Variants in NR1H4 observed in about 807,000 individuals in gnomAD.
NR1H4 encodes the protein nuclear receptor subfamily 1 group H member 4, also known as bile acid receptor.
Under a neutral mutation model 58.5 loss-of-function variants are expected in NR1H4, and 23 were observed. The ratio of observed to expected loss-of-function variants is 0.39; its 90% CI spans 0.28 to 0.56. The LOEUF (loss-of-function observed/expected upper bound fraction) is 0.56, where lower values mean the gene tolerates loss of function less well. Ranked by LOEUF, NR1H4 falls within the 20% of genes least tolerant of loss-of-function variation. The probability of loss-of-function intolerance (pLI) is 0.58; values close to 1 mark genes in which losing one functional copy is unlikely to be tolerated. For missense variants in NR1H4, 487 were observed against 576.9 expected, an observed-to-expected ratio of 0.84 and a Z score of 1.60; for synonymous variants, 214 against 198.0, an observed-to-expected ratio of 1.08 and a Z score of -0.68.
chr12:100,536,698 A>G (rs1954822589), intron 7 of NR1H4, 88 bp downstream of exon 7: 1 of 788,556 alleles, frequency 1.3e-6, no homozygotes, highest in Middle Eastern at 2.7e-4. Flanking sequence ...ATATGTGAAT[A>G]TGTTACTTTG....
intron 4 of NR1H4, among the ~76,000 whole-genome samples, chr12:100,519,987 C>G (rs989202827): frequency 1.3e-5 from 2 of 152,110 alleles, no homozygotes; most frequent in African/African-American, 4.8e-5. Flanking sequence ...GAAAATTATC[C>G]TACCTTAGTG....
At chr12:100,556,500 T>A (rs1454964708) in intron 9 of NR1H4, among the ~76,000 whole-genome samples, 4 of 150,652 alleles carry the variant, frequency 2.7e-5, no homozygotes, top group Non-Finnish European at 4.4e-5. Flanking sequence ...AAAAAACAAC[T>A]CTCTTTTAAA....
chr12:100,527,494 T>C lies in NR1H4; in HGVS notation c.446-4964T>C, dbSNP rs191110103. Among the ~76,000 whole-genome samples the C allele has an allele frequency of 1.4e-3, 207 of 152,316 alleles. 1 individual carries two copies. The highest frequency in any genetic ancestry group is 6.8e-3 in the Middle Eastern group (2 of 294). ...GTTGCAGTGAGCTATGATTGCACCATGCAATCCACCCTGGGCGACAGAGCA... is the reference window on the plus strand; with the variant it reads ...GTTGCAGTGAGCTATGATTGCACCACGCAATCCACCCTGGGCGACAGAGCA... On this transcript the variant is annotated intron_variant, in intron 4 of 10. Transcript: ENST00000392986.
intron 4 of NR1H4, among the ~76,000 whole-genome samples, chr12:100,520,254 C>T (rs1214769252): frequency 6.6e-6 from 1 of 152,110 alleles, no homozygotes. Context: ...GACAAGCTCA[C>T]ATTGAATCTA....
At chr12:100,558,705 G>A (rs138904146) in intron 9 of NR1H4, among the ~76,000 whole-genome samples, 317 of 152,340 alleles carry the variant, frequency 2.1e-3, no homozygotes, top group African/African-American at 7.3e-3. Context: ...AAAGAGAAAA[G>A]GGATATTTCA....
At chr12:100,552,509 A>G (rs1475014283) in intron 9 of NR1H4, among the ~76,000 whole-genome samples, 1 of 152,166 alleles carries the variant, frequency 6.6e-6, no homozygotes, top group Non-Finnish European at 1.5e-5. Flanking sequence ...ACATCTCACA[A>G]CTATGTCACC....
At chr12:100,513,535 T>C (rs547564587) in intron 4 of NR1H4, among the ~76,000 whole-genome samples, 9 of 152,258 alleles carry the variant, frequency 5.9e-5, no homozygotes, top group Admixed American at 1.3e-4. Context: ...GGTTCACTTA[T>C]GTAAGTCCCA....
chr12:100,560,287 T>C (rs1164988152), intron 9 of NR1H4, among the ~76,000 whole-genome samples: 1 of 152,200 alleles, frequency 6.6e-6, no homozygotes. Context: ...CGAGCCCGCA[T>C]TGGCAACCCA....
chr12:100,526,438 C>G (rs1418451954), intron 4 of NR1H4, among the ~76,000 whole-genome samples: 1 of 151,976 alleles, frequency 6.6e-6, no homozygotes, highest in Non-Finnish European at 1.5e-5. Context: ...TATGTGTAAC[C>G]TTTTAGAAAC....
intron 4 of NR1H4, among the ~76,000 whole-genome samples, chr12:100,520,343 A>G (rs1954383386): frequency 6.6e-6 from 1 of 152,114 alleles, no homozygotes; most frequent in Admixed American, 6.5e-5. Flanking sequence ...ACAGAAACCA[A>G]CAATTCAAGC....
chr12:100,491,074 C>A lies in NR1H4; in HGVS notation c.-189-1429C>A, dbSNP rs74557937. Among the ~76,000 whole-genome samples the A allele has an allele frequency of 6.9e-3, 1,054 of 152,280 alleles. 15 individuals are homozygous for A. Among genetic ancestry groups the A allele is most frequent in the African/African-American group, 0.024 (1,013 of 41,554 alleles). ...CCTTCCAAAGTGATGGGATTACAGG[C>A]AGTAGCCACTGTGCCTAGCCAGAAA... On this transcript the variant is annotated intron_variant, in intron 1 of 10. Transcript: ENST00000392986.
At chr12:100,502,640 A>T (rs978523054) in intron 3 of NR1H4, among the ~76,000 whole-genome samples, 2 of 152,216 alleles carry the variant, frequency 1.3e-5, no homozygotes, top group Admixed American at 1.3e-4. Context: ...ATACATCCTC[A>T]TCTTACAATG....
intron 4 of NR1H4, 109 bp from the exon 5 acceptor site, chr12:100,532,349 C>A: frequency 2.9e-6 from 3 of 1,017,004 alleles, no homozygotes; most frequent in Non-Finnish European, 4.6e-6. Context: ...GGCCTGGGTG[C>A]TCTCCAGCAG....
chr12:100,540,632 G>T, intron 8 of NR1H4, 40 bp from the exon 9 acceptor site: 1 of 1,599,876 alleles, frequency 6.3e-7, no homozygotes. Flanking sequence ...ATGAAATATT[G>T]TTACTCCTTG....
chr12:100,525,834 C>T (rs1954541261), intron 4 of NR1H4, among the ~76,000 whole-genome samples: 1 of 152,118 alleles, frequency 6.6e-6, no homozygotes, highest in South Asian at 2.1e-4. Context: ...ATTTTGATGA[C>T]CAATTTCTCC....
intron 6 of NR1H4, among the ~76,000 whole-genome samples, chr12:100,536,257 T>C (rs1954809493): frequency 6.6e-6 from 1 of 152,176 alleles, no homozygotes; most frequent in Non-Finnish European, 1.5e-5. Flanking sequence ...TACCATTTAT[T>C]CCTAAGAAAT....
intron 3 of NR1H4, chr12:100,505,687 G>A: frequency 4.6e-6 from 3 of 655,996 alleles, no homozygotes; most frequent in South Asian, 3.4e-5. Flanking sequence ...TCTTTGATAG[G>A]CTAATTCCAA....
intron 5 of NR1H4, 102 bp from the exon 6 acceptor site, chr12:100,534,788 C>A: frequency 1.5e-6 from 2 of 1,338,286 alleles, no homozygotes; most frequent in Non-Finnish European, 2.1e-6. Context: ...TGTGCCATTG[C>A]ATAGGGGATC....
chr12:100,521,165 G>A (rs966933843), intron 4 of NR1H4, among the ~76,000 whole-genome samples: 6 of 151,020 alleles, frequency 4.0e-5, no homozygotes, highest in African/African-American at 1.5e-4. Flanking sequence ...ACAAAGATCA[G>A]GGTTAAATTT....
Sources: allele counts gnomAD v4.1 joint callset (sites outside exome capture counted in the v4.1 genomes callset), GRCh38; gene constraint gnomAD v4.1.1; transcripts MANE v1.5; gene names NCBI Gene and HGNC (gene_info 2026-07-23, HGNC 2026-07-21).